The following C2CD5 variants were observed in gnomAD, a reference collection of about 807,000 sequenced individuals.
The protein encoded by C2CD5 is C2 calcium dependent domain containing 5.
Under a neutral mutation model 130.3 loss-of-function variants are expected in C2CD5, and 109 were observed. The ratio of observed to expected loss-of-function variants is 0.84; its 90% CI spans 0.72 to 0.98. The LOEUF (loss-of-function observed/expected upper bound fraction) is 0.98, where lower values mean the gene tolerates loss of function less well. C2CD5 is among the 50% of genes least tolerant of loss of function. The probability of loss-of-function intolerance (pLI) is 0.00; values close to 1 mark genes in which losing one functional copy is unlikely to be tolerated. For synonymous variants in C2CD5, 454 were observed against 429.2 expected, an observed-to-expected ratio of 1.06 and a Z score of -0.71; for missense variants, 996 against 1,261.8, an observed-to-expected ratio of 0.79 and a Z score of 3.19.
At chr12:22,469,618 C>T (rs1473988935) in intron 22 of C2CD5, 91 bp downstream of exon 22, 21 of 663,602 alleles carry the variant, frequency 3.2e-5, no homozygotes, top group Non-Finnish European at 5.0e-5. Flanking sequence ...AAATTTTCAC[C>T]TCAAGGTTAG....
intron 8 of C2CD5, among the ~76,000 whole-genome samples, chr12:22,514,008 A>C (rs992599980): frequency 3.3e-5 from 5 of 152,202 alleles, no homozygotes; most frequent in African/African-American, 4.8e-5. Context: ...TGTAATAGAC[A>C]CATCACAAAT....
intron 25 of C2CD5, among the ~76,000 whole-genome samples, chr12:22,456,293 C>G (rs1242583553): frequency 6.6e-6 from 1 of 152,134 alleles, no homozygotes. Context: ...AAAAATTTCC[C>G]TATTCACCAT....
intron 10 of C2CD5, among the ~76,000 whole-genome samples, chr12:22,504,917 T>C (rs918416744): frequency 6.6e-5 from 10 of 151,626 alleles, no homozygotes; most frequent in Admixed American, 4.6e-4. Flanking sequence ...AATACTACAA[T>C]GGAGAAAACA....
chr12:22,471,442 T>A lies in C2CD5; in HGVS notation c.2315A>T (p.His772Leu). The change falls in exon 20 of 27, where the codon CAT becomes CTT. Residue 772 changes from histidine to leucine, a missense_variant. This residue lies in a region of C2CD5 where 590 missense variants were observed against 631.4 expected (regional missense o/e 0.93). Coordinates refer to ENST00000446597, the MANE Select transcript of C2CD5 (RefSeq NM_001286176.2). ...LRSMIPCCLC[H>L]VNFTVSLPED... Reference sequence around the variant, plus strand: ...AGGCAGAGATACTGTAAAATTTACATGGCAAAGGCAGCAGGGGATCATAGA... The same window carrying A: ...AGGCAGAGATACTGTAAAATTTACAAGGCAAAGGCAGCAGGGGATCATAGA... The A allele has an allele frequency of 6.2e-7, 1 of 1,600,670 alleles. No homozygotes were observed. The highest frequency in any genetic ancestry group is 8.6e-7 in the Non-Finnish European group (1 of 1,168,738).
At chr12:22,465,197 C>T (rs1439913468) in intron 22 of C2CD5, among the ~76,000 whole-genome samples, 1 of 151,636 alleles carries the variant, frequency 6.6e-6, no homozygotes, top group Non-Finnish European at 1.5e-5. Flanking sequence ...CAGCCTATAG[C>T]GTATGCCACT....
rs1182872798 is a variant in C2CD5, at chr12:22,544,455, T to A, written c.-165A>T. 31 of 254,794 alleles carry A rather than the reference T, an allele frequency of 1.2e-4. No homozygotes were observed. Among genetic ancestry groups the A allele is most frequent in the Admixed American group, 2.9e-4 (5 of 17,182 alleles). The allele number at this position is 254,794 out of a possible 1,614,324, so 15.8% of individuals were successfully genotyped here. A position where few individuals can be genotyped will look rare whatever the true frequency, so the allele number is the denominator to read the frequency against. ...GACGAAAAGCAAAACCCAGTCAGCA[T>A]CCCGTTGAGCCTCTGCCGCCCCTGC... On this transcript the variant is annotated 5_prime_UTR_variant, in exon 1 of 27. The change abolishes an upstream ATG in the 5' untranslated region. Coordinates refer to ENST00000446597, the MANE Select transcript of C2CD5 (RefSeq NM_001286176.2).
chr12:22,518,230 C>T (rs563585622), intron 7 of C2CD5, 93 bp from the exon 8 acceptor site: 16 of 1,167,776 alleles, frequency 1.4e-5, no homozygotes, highest in Non-Finnish European at 2.1e-5. Flanking sequence ...AGAATTGGGG[C>T]AGGGCCAGCA....
At chr12:22,522,535 T>C (rs1487733191) in intron 7 of C2CD5, among the ~76,000 whole-genome samples, 1 of 152,152 alleles carries the variant, frequency 6.6e-6, no homozygotes, top group African/African-American at 2.4e-5. Flanking sequence ...AGAATAGGGA[T>C]CAGCAAACTC....
intron 12 of C2CD5, among the ~76,000 whole-genome samples, chr12:22,486,287 C>T (rs1345454883): frequency 6.6e-6 from 1 of 151,936 alleles, no homozygotes; most frequent in Non-Finnish European, 1.5e-5. Flanking sequence ...TTCCCAGCTA[C>T]TACACTGCTC....
intron 6 of C2CD5, 135 bp from the exon 7 acceptor site, chr12:22,523,759 A>T: frequency 1.5e-6 from 1 of 659,472 alleles, no homozygotes; most frequent in East Asian, 2.6e-5. Flanking sequence ...GAAACTTAAA[A>T]GATAATCTGG....
chr12:22,486,990 C>A (rs1591806058), intron 12 of C2CD5, among the ~76,000 whole-genome samples: 1 of 152,204 alleles, frequency 6.6e-6, no homozygotes, highest in African/African-American at 2.4e-5. Flanking sequence ...GCTGGGAAAA[C>A]CGGCTAGCCA....
chr12:22,483,063 G>T (rs1944955573), intron 13 of C2CD5, among the ~76,000 whole-genome samples: 1 of 152,030 alleles, frequency 6.6e-6, no homozygotes, highest in African/African-American at 2.4e-5. Context: ...TAACACAAAG[G>T]ATAAATGCGT....
chr12:22,476,861 C>T (rs1462974543), intron 15 of C2CD5, among the ~76,000 whole-genome samples: 1 of 151,982 alleles, frequency 6.6e-6, no homozygotes, highest in Admixed American at 6.6e-5. Context: ...CAAAGCTTTA[C>T]AAATCATTTT....
chr12:22,481,648 C>T (rs946749418), intron 14 of C2CD5, among the ~76,000 whole-genome samples: 4 of 144,976 alleles, frequency 2.8e-5, no homozygotes, highest in East Asian at 2.0e-4. Context: ...AAGAAACACA[C>T]CTTTTTTTTT....
intron 10 of C2CD5, among the ~76,000 whole-genome samples, chr12:22,494,733 G>C (rs186537474): frequency 1.6e-3 from 245 of 152,114 alleles, no homozygotes; most frequent in Middle Eastern, 3.4e-3. Flanking sequence ...AAATAGAAAA[G>C]ACTACAATAT....
chr12:22,525,522 T>C, intron 5 of C2CD5, 88 bp downstream of exon 5: 1 of 772,724 alleles, frequency 1.3e-6, no homozygotes, highest in South Asian at 1.5e-5. Flanking sequence ...ACAATAGCTT[T>C]TCTACTTGCC....
intron 19 of C2CD5, 73 bp from the exon 20 acceptor site, chr12:22,471,561 CATT>C (rs1264875378): frequency 2.6e-5 from 21 of 794,910 alleles, no homozygotes; most frequent in Non-Finnish European, 3.7e-5. Flanking sequence ...TTTTAATGTA[CATT>C]ATATTATAGC....
chr12:22,470,171 A>C (rs561378504), intron 21 of C2CD5, among the ~76,000 whole-genome samples: 11 of 152,248 alleles, frequency 7.2e-5, no homozygotes, highest in African/African-American at 2.6e-4. Flanking sequence ...TAATCATTTA[A>C]TACATCTACC....
At chr12:22,504,164 G>A (rs1186438474) in intron 10 of C2CD5, among the ~76,000 whole-genome samples, 1 of 143,314 alleles carries the variant, frequency 7.0e-6, no homozygotes, top group Non-Finnish European at 1.5e-5. Context: ...AATGCAGTTC[G>A]TTTTTTTTTT....
Sources: allele counts gnomAD v4.1 joint callset (sites outside exome capture counted in the v4.1 genomes callset), GRCh38; gene constraint gnomAD v4.1.1; regional missense constraint gnomAD v4.1.1; transcripts MANE v1.5; gene names NCBI Gene and HGNC (gene_info 2026-07-23, HGNC 2026-07-21).